ZNF75D: variants seen among roughly 807,000 people sequenced by gnomAD.
The protein encoded by ZNF75D is zinc finger protein 75D.
ZNF75D carries 33 observed loss-of-function variants against 33.3 expected under a neutral mutation model. The ratio of observed to expected loss-of-function variants is 0.99; its 90% CI spans 0.75 to 1.32. The LOEUF (loss-of-function observed/expected upper bound fraction) is 1.32, where lower values mean the gene tolerates loss of function less well. ZNF75D is among the 40% of genes most tolerant of loss of function. The pLI, the probability that ZNF75D is intolerant of heterozygous loss-of-function variation, is 0.00. For missense variants in ZNF75D, 338 were observed against 367.5 expected (o/e 0.92, Z 0.66); for synonymous variants, 113 against 130.6 (o/e 0.87, Z 0.92).
At chrX:135,250,427 T>G (rs142428136) in intron 3 of ZNF75D, among the ~76,000 whole-genome samples, 2 of 103,391 alleles carry the variant, frequency 1.9e-5, no homozygotes, top group Non-Finnish European at 4.0e-5. Flanking sequence ...AGAAAGGAAA[T>G]GTAGCTCCAG....
At chrX:135,313,817 A>G (rs1418180935) in intron 1 of ZNF75D, among the ~76,000 whole-genome samples, 1 of 111,964 alleles carries the variant, frequency 8.9e-6, no homozygotes, top group East Asian at 2.8e-4. Context: ...CAGAAACAGT[A>G]CTGATTTTCA....
intron 1 of ZNF75D, among the ~76,000 whole-genome samples, chrX:135,339,957 T>A (rs188574362): frequency 8.9e-6 from 1 of 112,707 alleles, no homozygotes; most frequent in East Asian, 2.8e-4. Context: ...ACCACAGTAC[T>A]TAAACAGTGA....
chrX:135,305,488 C>T (rs781901534), intron 1 of ZNF75D, among the ~76,000 whole-genome samples: 34 of 111,752 alleles, frequency 3.0e-4, no homozygotes, highest in Non-Finnish European at 5.7e-4. Flanking sequence ...TTTCTGGTTA[C>T]CTCATTAGCT....
At chrX:135,305,945 T>C (rs961387459) in intron 1 of ZNF75D, among the ~76,000 whole-genome samples, 1 of 111,533 alleles carries the variant, frequency 9.0e-6, no homozygotes, top group African/African-American at 3.3e-5. Context: ...GAAGGATTTA[T>C]TGATCCACAC....
intron 1 of ZNF75D, chrX:135,327,797 C>T (rs1296039630): frequency 8.9e-6 from 1 of 112,109 alleles, no homozygotes; most frequent in Non-Finnish European, 1.9e-5. Context: ...CTTCAAGATC[C>T]AATCACCCAG....
chrX:135,335,148 T>C (rs2084694681), intron 1 of ZNF75D, among the ~76,000 whole-genome samples: 1 of 111,414 alleles, frequency 9.0e-6, no homozygotes, highest in Admixed American at 9.5e-5. Flanking sequence ...TCATGGGGAT[T>C]AAAGAACAGG....
Position 135,286,770 on chromosome X carries a change from G to C in ZNF75D, c.*367C>G, listed in dbSNP as rs188684966. On this transcript the variant is annotated 3_prime_UTR_variant, in exon 7 of 7. Transcript: ENST00000370766. Reference sequence around the variant, plus strand: ...TATTTTCCATTTCTCTTGACAAAGAGTAAAAAATGAGACTAAGAGCCTTGA... The same window carrying C: ...TATTTTCCATTTCTCTTGACAAAGACTAAAAAATGAGACTAAGAGCCTTGA... 1 of 151,060 alleles carries C rather than the reference G, an allele frequency of 6.6e-6. No individual in the cohort carries two copies. Among genetic ancestry groups the C allele is most frequent in the African/African-American group, 3.1e-5 (1 of 32,068 alleles). The allele number at this position is 151,060 out of a possible 1,213,427, so 12.4% of individuals were successfully genotyped here.
intron 6 of ZNF75D, among the ~76,000 whole-genome samples, chrX:135,288,719 C>T (rs919306119): frequency 9.8e-5 from 11 of 112,001 alleles, no homozygotes; most frequent in African/African-American, 2.9e-4. Context: ...TTTATATTTG[C>T]AAAATAATTG....
chrX:135,293,182 T>A (rs1556421715), intron 3 of ZNF75D, among the ~76,000 whole-genome samples: 1 of 112,232 alleles, frequency 8.9e-6, no homozygotes, highest in Admixed American at 9.4e-5. Flanking sequence ...GAGATGTGTG[T>A]TTCTGCTATA....
downstream of ZNF75D, among the ~76,000 whole-genome samples, chrX:135,282,683 G>C: frequency 9.0e-6 from 1 of 111,433 alleles, no homozygotes; most frequent in African/African-American, 3.3e-5. Context: ...TAGTATCTGG[G>C]CTGGAATGCA....
chrX:135,322,037 C>G (rs1556434651), intron 1 of ZNF75D, among the ~76,000 whole-genome samples: 1 of 112,205 alleles, frequency 8.9e-6, no homozygotes, highest in Non-Finnish European at 1.9e-5. Flanking sequence ...CAATTACCCT[C>G]TAGTGGTGTT....
At chrX:135,276,821 C>A (rs2083900909) in intron 1 of ZNF75D, among the ~76,000 whole-genome samples, 1 of 111,899 alleles carries the variant, frequency 8.9e-6, no homozygotes, top group African/African-American at 3.3e-5. Flanking sequence ...AGGACATGAA[C>A]TCATCCTTTT....
At position 135,314,717 on chromosome X, in the gene ZNF75D, T is replaced by C. The variant is rs781895580; in HGVS notation, c.-390-18678A>G. ...GATTCAAGCTGGGCAGGTTGTATGT[T>C]TCCAGGAATTTACCAATTCCCTCTA... On this transcript the variant is annotated intron_variant, in intron 1 of 6. Coordinates refer to ENST00000370766, the MANE Select transcript of ZNF75D (RefSeq NM_007131.5). Among the ~76,000 whole-genome samples, 4 of 111,876 alleles carry C rather than the reference T, an allele frequency of 3.6e-5. No individual in the cohort carries two copies. In the South Asian group the frequency reaches 1.5e-3, roughly 42 times the overall value.
chrX:135,339,325 G>T (rs1556443801), intron 1 of ZNF75D, among the ~76,000 whole-genome samples: 1 of 112,178 alleles, frequency 8.9e-6, no homozygotes, highest in Non-Finnish European at 1.9e-5. Flanking sequence ...TTGCTGACCA[G>T]TCTTCTCAGT....
chrX:135,302,220 A>G (rs1435563231), intron 1 of ZNF75D, among the ~76,000 whole-genome samples: 3 of 112,451 alleles, frequency 2.7e-5, no homozygotes, highest in African/African-American at 9.7e-5. Context: ...ATTTAAATAC[A>G]TTATATTTAG....
intron 1 of ZNF75D, chrX:135,309,387 T>A (rs1404392309): frequency 6.9e-6 from 2 of 289,871 alleles, no homozygotes; most frequent in Non-Finnish European, 1.2e-5. Context: ...GGGGAAGAGG[T>A]CCCCAGATCC....
chrX:135,293,549 G>C (rs1431039075), intron 3 of ZNF75D, among the ~76,000 whole-genome samples, 181 bp downstream of exon 3: 1 of 112,463 alleles, frequency 8.9e-6, no homozygotes, highest in Non-Finnish European at 1.9e-5. Flanking sequence ...GAAAGGCTCT[G>C]CCAGAAATCT....
At chrX:135,298,248 A>G (rs1556423626) in intron 1 of ZNF75D, 1 of 111,591 alleles carries the variant, frequency 9.0e-6, no homozygotes, top group African/African-American at 3.3e-5. Context: ...AGAATGAAGA[A>G]AAGGGTTACC....
At chrX:135,325,512 C>T (rs947110309) in intron 1 of ZNF75D, among the ~76,000 whole-genome samples, 1 of 111,735 alleles carries the variant, frequency 8.9e-6, no homozygotes, top group Non-Finnish European at 1.9e-5. Flanking sequence ...AGCTGAGCTC[C>T]GGGTGGGCAT....
Sources: gnomAD v4.1 joint callset for allele counts (sites outside exome capture counted in the v4.1 genomes callset) on GRCh38, gnomAD v4.1.1 for gene constraint, MANE v1.5 for transcripts, NCBI Gene and HGNC (gene_info 2026-07-23, HGNC 2026-07-21) for gene names.